Variants in LINGO2 observed in about 807,000 individuals in gnomAD.
LINGO2 encodes the protein leucine-rich repeat and immunoglobulin-like domain-containing nogo receptor-interacting protein 2.
A neutral mutation model predicts 30.6 loss-of-function variants in LINGO2; 14 were observed. That is an observed-to-expected ratio of 0.46 (90% CI 0.30 to 0.72). The LOEUF (loss-of-function observed/expected upper bound fraction) is 0.72, where lower values mean the gene tolerates loss of function less well. Among genes scored for constraint, LINGO2 ranks in the 30% least tolerant of loss-of-function variants. The pLI, the probability that LINGO2 is intolerant of heterozygous loss-of-function variation, is 0.07. For missense variants in LINGO2, 729 were observed against 751.7 expected (o/e 0.97, Z 0.35); for synonymous variants, 317 against 288.5 (o/e 1.10, Z -1.00).
At chr9:28,700,866 T>C in the LINGO2 span, among the ~76,000 whole-genome samples, 3 of 152,084 alleles carry the variant, frequency 2.0e-5, no homozygotes, top group Non-Finnish European at 4.4e-5. Flanking sequence ...TAGTGGTAAC[T>C]CCTTGTTGTT....
At chr9:28,488,556 G>A (rs974097024) in intron 1 of LINGO2, among the ~76,000 whole-genome samples, 11 of 152,034 alleles carry the variant, frequency 7.2e-5, no homozygotes, top group African/African-American at 2.4e-4. Flanking sequence ...TATTAAGCAG[G>A]TTATTTGACT....
chr9:28,739,835 T>A, the LINGO2 span, among the ~76,000 whole-genome samples: 3 of 151,418 alleles, frequency 2.0e-5, no homozygotes, highest in African/African-American at 7.3e-5. Flanking sequence ...TCCCCAACTT[T>A]AATATTATTT....
At chr9:28,476,494 C>T (rs1300996501) in intron 1 of LINGO2, among the ~76,000 whole-genome samples, 1 of 152,134 alleles carries the variant, frequency 6.6e-6, no homozygotes, top group African/African-American at 2.4e-5. Context: ...CCAGGATGGT[C>T]TCGATCTCCT....
chr9:28,433,234 A>G (rs1403859837), intron 2 of LINGO2, among the ~76,000 whole-genome samples: 2 of 152,218 alleles, frequency 1.3e-5, no homozygotes, highest in Admixed American at 6.5e-5. Flanking sequence ...TAGGCTTCCT[A>G]AATTATAAAA....
chr9:28,591,491 C>G (rs552765002), intron 1 of LINGO2, among the ~76,000 whole-genome samples: 1 of 152,046 alleles, frequency 6.6e-6, no homozygotes, highest in South Asian at 2.1e-4. Flanking sequence ...TATTTCTGCC[C>G]TCCTGTCTTC....
chr9:28,632,749 G>GAT (rs1827030092), intron 1 of LINGO2, among the ~76,000 whole-genome samples: 1 of 126,554 alleles, frequency 7.9e-6, no homozygotes, highest in Non-Finnish European at 1.6e-5. Flanking sequence ...TTTATATATA[G>GAT]ATCTATATAT....
chr9:28,914,084 TACA>T, the LINGO2 span, among the ~76,000 whole-genome samples: 4 of 152,130 alleles, frequency 2.6e-5, no homozygotes, highest in Non-Finnish European at 5.9e-5. Flanking sequence ...TGATAAAGCA[TACA>T]ACAAGAAAAT....
At chr9:28,308,476 C>T (rs1824464811) in intron 3 of LINGO2, among the ~76,000 whole-genome samples, 1 of 146,246 alleles carries the variant, frequency 6.8e-6, no homozygotes, top group African/African-American at 2.5e-5. Context: ...ACCATAAAAA[C>T]CCTAGAAGAA....
chr9:28,661,970 T>G (rs1828601985), intron 1 of LINGO2, among the ~76,000 whole-genome samples: 1 of 152,096 alleles, frequency 6.6e-6, no homozygotes, highest in African/African-American at 2.4e-5. Flanking sequence ...GCAGCATAAC[T>G]TAGTACTTTG....
the LINGO2 span, among the ~76,000 whole-genome samples, chr9:28,681,606 C>G: frequency 1.3e-5 from 2 of 152,080 alleles, no homozygotes; most frequent in Non-Finnish European, 2.9e-5. Context: ...GGACAGCTGG[C>G]TCCTGGAACT....
the LINGO2 span, among the ~76,000 whole-genome samples, chr9:28,681,662 T>TC: frequency 9.2e-5 from 14 of 152,084 alleles, no homozygotes; most frequent in African/African-American, 3.4e-4. Context: ...CTAAATCAAT[T>TC]CCTGGACTAG....
chr9:28,102,710 C>T (rs930825464), intron 4 of LINGO2, among the ~76,000 whole-genome samples: 5 of 152,186 alleles, frequency 3.3e-5, no homozygotes, highest in South Asian at 2.1e-4. Flanking sequence ...AAGAGCCATA[C>T]GAGTTTGATC....
chr9:28,213,434 A>C (rs943460847), intron 4 of LINGO2, among the ~76,000 whole-genome samples: 3 of 151,526 alleles, frequency 2.0e-5, no homozygotes, highest in African/African-American at 7.2e-5. Flanking sequence ...CAAGGAAATA[A>C]ACAGATAAGC....
At chr9:28,987,954 G>A in the LINGO2 span, among the ~76,000 whole-genome samples, 7 of 152,076 alleles carry the variant, frequency 4.6e-5, no homozygotes, top group East Asian at 1.2e-3. Context: ...CTTATCATGT[G>A]ATCTACCTTG....
chr9:28,883,770 A>C, the LINGO2 span, among the ~76,000 whole-genome samples: 132,990 of 147,384 alleles, frequency 0.9, 60,220 homozygotes, highest in Non-Finnish European at 0.94. Context: ...CTCCACCTCC[A>C]AGGTTCAAGC....
At chr9:29,062,192 T>C in the LINGO2 span, among the ~76,000 whole-genome samples, 2 of 151,900 alleles carry the variant, frequency 1.3e-5, no homozygotes, top group Non-Finnish European at 2.9e-5. Flanking sequence ...AAATAACAAG[T>C]GTTGGTAAGG....
intron 3 of LINGO2, among the ~76,000 whole-genome samples, chr9:28,315,395 C>A (rs2134275530): frequency 7.0e-6 from 1 of 143,518 alleles, no homozygotes; most frequent in Admixed American, 7.1e-5. Flanking sequence ...GAGGGAGACT[C>A]CGTCTCGGGG....
At chr9:28,039,481 G>T (rs751633502) in intron 4 of LINGO2, among the ~76,000 whole-genome samples, 1 of 152,050 alleles carries the variant, frequency 6.6e-6, no homozygotes, top group Non-Finnish European at 1.5e-5. Context: ...TGCCATCTAG[G>T]TTGCCTTGAA....
intron 1 of LINGO2, among the ~76,000 whole-genome samples, chr9:28,527,863 C>T (rs367831596): frequency 2.0e-5 from 3 of 152,006 alleles, no homozygotes; most frequent in South Asian, 2.1e-4. Flanking sequence ...AATCTGTTGT[C>T]GATTAAATTG....
Sources: gnomAD v4.1 joint callset for allele counts (sites outside exome capture counted in the v4.1 genomes callset) on GRCh38, gnomAD v4.1.1 for gene constraint, MANE v1.5 for transcripts, NCBI Gene and HGNC (gene_info 2026-07-23, HGNC 2026-07-21) for gene names.